The following SQSTM1 variants were observed in gnomAD, a reference collection of about 807,000 sequenced individuals.
SQSTM1 encodes the protein sequestosome-1.
Under a neutral mutation model 45.1 loss-of-function variants are expected in SQSTM1, and 36 were observed. The observed-to-expected ratio is 0.80, with a 90% CI of 0.61 to 1.05. The LOEUF is 1.05. Among genes scored for constraint, SQSTM1 ranks in the 50% least tolerant of loss-of-function variants. The probability of loss-of-function intolerance (pLI) is 0.00; values close to 1 mark genes in which losing one functional copy is unlikely to be tolerated. For synonymous variants in SQSTM1, 290 were observed against 244.3 expected, an observed-to-expected ratio of 1.19 and a Z score of -1.74; for missense variants, 617 against 607.1, an observed-to-expected ratio of 1.02 and a Z score of -0.17.
rs534941108 is a variant in SQSTM1, at chr5:179,837,105, T to G, written c.*512T>G. The G allele has an allele frequency of 7.1e-6, 7 of 992,860 alleles. No individual in the cohort carries two copies. The African/African-American group carries it at 8.0e-5, about 11-fold the overall frequency. The allele number at this position is 992,860 out of a possible 1,614,324, so 61.5% of individuals were successfully genotyped here. A position where few individuals can be genotyped will look rare whatever the true frequency, so the allele number is the denominator to read the frequency against. On this transcript the variant is annotated 3_prime_UTR_variant, in exon 8 of 8. Coordinates refer to ENST00000389805, the MANE Select transcript of SQSTM1 (RefSeq NM_003900.5). ...AGGCTCACGAAGGGCATCCGCAATG[T>G]TGGTTTCACTGAGAGCTGCCTCCTG... is the stretch of plus-strand genomic sequence containing the variant.
chr5:179,819,783 TCGGAGCCCTCCGGGAAGGATCATTCA>T (rs895132125), upstream of SQSTM1, among the ~76,000 whole-genome samples: 3 of 152,146 alleles, frequency 2.0e-5, no homozygotes, highest in Non-Finnish European at 1.5e-5. Flanking sequence ...CTTGCCCACT[TCGGAGCCCTCCGGGAAGGATCATTCA>T]CACCTGTGGA....
intron 1 of SQSTM1, among the ~76,000 whole-genome samples, chr5:179,808,742 C>T (rs1364037556): frequency 6.6e-6 from 1 of 152,144 alleles, no homozygotes; most frequent in Admixed American, 6.5e-5. Context: ...CATTTGAGCT[C>T]ATCAGTTCAA....
In SQSTM1 at chr5:179,824,337, T is replaced by C; in HGVS notation, c.673+14T>C. On this transcript the variant is annotated intron_variant, in intron 4 of 7. Coordinates refer to ENST00000389805, the MANE Select transcript of SQSTM1 (RefSeq NM_003900.5). Reference sequence around the variant, plus strand: ...CGGCAGAATCAGGTGAGGCTTGTGTTGGAACCTGCTTCTGATTGGTGACAG... The same window carrying C: ...CGGCAGAATCAGGTGAGGCTTGTGTCGGAACCTGCTTCTGATTGGTGACAG... 2.5e-6 allele frequency: 4 copies of C among 1,613,392 alleles called. No homozygotes were observed. The highest frequency in any genetic ancestry group is 3.4e-6 in the Non-Finnish European group (4 of 1,180,028).
intron 5 of SQSTM1, 46 bp from the exon 6 acceptor site, chr5:179,832,985 AT>A (rs1758306222): frequency 1.9e-6 from 3 of 1,602,364 alleles, no homozygotes. Flanking sequence ...TTGCAGGTGC[AT>A]CCTTGGGGGA....
At position 179,836,691 on chromosome 5, in the gene SQSTM1, CCTT is replaced by C. The variant is rs1758577705; in HGVS notation, c.*103_*105del. ...GTCTCTGTACGGGCCAGTTTCTCTG[CCTT>C]CTTCCAGGATCAGGGGTTAGGGTGC... On this transcript the variant is annotated 3_prime_UTR_variant, in exon 8 of 8. Transcript: ENST00000389805. 6.3e-7 allele frequency: 1 copy of C among 1,575,648 alleles called. No individual in the cohort carries two copies. The highest frequency in any genetic ancestry group is 8.7e-7 in the Non-Finnish European group (1 of 1,146,496).
At chr5:179,821,932 C>T (rs1757797868) in intron 1 of SQSTM1, among the ~76,000 whole-genome samples, 1 of 149,268 alleles carries the variant, frequency 6.7e-6, no homozygotes, top group African/African-American at 2.4e-5. Flanking sequence ...GCATACCAGG[C>T]CCTCTCCTAT....
At chr5:179,820,815 G>A (rs1757742937), upstream of SQSTM1, 1 of 966,524 alleles carries the variant, frequency 1.0e-6, no homozygotes, top group Non-Finnish European at 1.4e-6. Flanking sequence ...CGGTGGCGGG[G>A]GCGGGGAGGG....
At chr5:179,811,342 CT>C (rs567077898) in intron 1 of SQSTM1, among the ~76,000 whole-genome samples, 13 of 114,366 alleles carry the variant, frequency 1.1e-4, no homozygotes, top group Admixed American at 2.1e-4. Context: ...GGGGGAGGAG[CT>C]ATGCAGGGGG....
chr5:179,832,937 C>G, intron 5 of SQSTM1, 95 bp from the exon 6 acceptor site: 1 of 1,269,694 alleles, frequency 7.9e-7, no homozygotes, highest in African/African-American at 1.5e-5. Flanking sequence ...ACGTTGAGAT[C>G]TTCGTGAGTC....
rs1328205017 is a variant in SQSTM1 at position 179,837,339 on chromosome 5, A to G, written c.*746A>G. 1 of 1,585,124 alleles carries G rather than the reference A, an allele frequency of 6.3e-7. No individual in the cohort carries two copies. Among genetic ancestry groups the G allele is most frequent in the Non-Finnish European group, 8.6e-7 (1 of 1,165,608 alleles). On this transcript the variant is annotated 3_prime_UTR_variant, in exon 8 of 8. Coordinates refer to ENST00000389805, the MANE Select transcript of SQSTM1 (RefSeq NM_003900.5). ...GTATCTTTAAAAGTGCCTTAGGGGA[A>G]CCCTGTCCCTCCTAACAAGTGTATC...
At chr5:179,835,834 G>A (rs2113522019) in intron 7 of SQSTM1, 1 of 168,246 alleles carries the variant, frequency 5.9e-6, no homozygotes, top group East Asian at 1.6e-4. Context: ...GCTGCAAAAG[G>A]TATTATTTCG....
chr5:179,806,433 C>T lies in SQSTM1; in HGVS notation c.-315C>T. 2 of 1,115,606 alleles carry T rather than the reference C, an allele frequency of 1.8e-6. No individual in the cohort carries two copies. The highest frequency in any genetic ancestry group is 3.0e-5 in the South Asian group (1 of 33,462). 69.1% of individuals were successfully genotyped at this position (1,115,606 alleles called of 1,614,324 possible). A position where few individuals can be genotyped will look rare whatever the true frequency, so the allele number is the denominator to read the frequency against. ...TCCGCGGCCACCGCCGGGCCCGCTC[C>T]CGCCGCCGACGCCCAGGTGCGCCAG... On this transcript the variant is annotated 5_prime_UTR_variant, in exon 1 of 6. Transcript: ENST00000514093. This position sits in a 1 kb window ranked among gnomAD's most constrained non-coding sequence, Gnocchi z 4.6.
At chr5:179,821,656 C>A in intron 1 of SQSTM1, 4 of 400,002 alleles carry the variant, frequency 1.0e-5, no homozygotes, top group South Asian at 6.9e-5. Context: ...GCGAGCGCCG[C>A]GACAGCGCCT....
rs868327198 is a variant in SQSTM1, at chr5:179,806,567, C to T, written c.-181C>T. On this transcript the variant is annotated 5_prime_UTR_variant, in exon 1 of 6. Coordinates refer to the SQSTM1 transcript ENST00000514093. The surrounding 1 kb of genome is among the most constrained non-coding windows in gnomAD (Gnocchi z 4.6). ...GAAGAGCAGCAGCGTCAGGAAGGTG[C>T]CATTGCGGAGCCTCATCTCCTCGGG... The T allele has an allele frequency of 2.3e-6, 3 of 1,298,502 alleles. No individual in the cohort carries two copies. Among genetic ancestry groups the T allele is most frequent in the South Asian group, 1.5e-5 (1 of 66,132 alleles). 80.4% of individuals were successfully genotyped at this position (1,298,502 alleles called of 1,614,324 possible).
At position 179,806,555 on chromosome 5, in the gene SQSTM1, G is replaced by A; in HGVS notation, c.-193G>A. On this transcript the variant is annotated 5_prime_UTR_variant, in exon 1 of 6. Transcript: ENST00000514093. This position sits in a 1 kb window ranked among gnomAD's most constrained non-coding sequence, Gnocchi z 4.6. ...GGCGCACAGGCAGAAGAGCAGCAGCGTCAGGAAGGTGCCATTGCGGAGCCT... is the reference window on the plus strand; with the variant it reads ...GGCGCACAGGCAGAAGAGCAGCAGCATCAGGAAGGTGCCATTGCGGAGCCT... The A allele has an allele frequency of 1.5e-6, 2 of 1,319,952 alleles. No homozygotes were observed. The highest frequency in any genetic ancestry group is 9.9e-7 in the Non-Finnish European group (1 of 1,008,456). 81.8% of individuals were successfully genotyped at this position (1,319,952 alleles called of 1,614,324 possible).
chr5:179,819,884 C>G (rs575694327), upstream of SQSTM1, among the ~76,000 whole-genome samples: 9 of 152,330 alleles, frequency 5.9e-5, no homozygotes, highest in Non-Finnish European at 1.3e-4. Context: ...TCCAGCCACT[C>G]TTGCCTCCCT....
chr5:179,809,931 A>G (rs1281670951), intron 1 of SQSTM1, among the ~76,000 whole-genome samples: 1 of 151,642 alleles, frequency 6.6e-6, no homozygotes, highest in African/African-American at 2.4e-5. Context: ...GGTGTGAGCC[A>G]CCGGCGGCGC....
rs776230758 is a variant in SQSTM1 at position 179,837,622 on chromosome 5, G to A, written c.*1029G>A. On this transcript the variant is annotated 3_prime_UTR_variant, in exon 8 of 8. Transcript: ENST00000389805. ...GGCCTTCTCTTGAGGCCTGTGCTCT[G>A]GGGGTCCCTTGCTTAGCCTGTGCTG... 5 of 1,614,140 alleles carry A rather than the reference G, an allele frequency of 3.1e-6. No individual in the cohort carries two copies. In the South Asian group the frequency reaches 3.3e-5, roughly 11 times the overall value.
intron 2 of SQSTM1, chr5:179,812,306 C>T (rs1230056032): frequency 6.6e-6 from 1 of 152,240 alleles, no homozygotes; most frequent in African/African-American, 2.4e-5. Context: ...TGAAGCGGGT[C>T]GTACTGCAGG....
Sources: allele counts gnomAD v4.1 joint callset (sites outside exome capture counted in the v4.1 genomes callset), GRCh38; gene constraint gnomAD v4.1.1; non-coding constraint Gnocchi (gnomAD v3.1); transcripts MANE v1.5; gene names NCBI Gene and HGNC (gene_info 2026-07-23, HGNC 2026-07-21).